STXBP5L: variants seen among roughly 807,000 people sequenced by gnomAD.
STXBP5L encodes syntaxin-binding protein 5-like.
Under a neutral mutation model 144.5 loss-of-function variants are expected in STXBP5L, and 65 were observed. That is an observed-to-expected ratio of 0.45 (90% CI 0.37 to 0.55). STXBP5L has a LOEUF of 0.55. STXBP5L is among the 20% of genes least tolerant of loss of function. STXBP5L has a pLI of 0.00. For missense variants in STXBP5L, 1,298 were observed against 1,405.5 expected, an observed-to-expected ratio of 0.92 and a Z score of 1.22; for synonymous variants, 505 against 469.6, an observed-to-expected ratio of 1.08 and a Z score of -0.97.
chr3:121,338,054 C>T (rs980642629), intron 20 of STXBP5L, among the ~76,000 whole-genome samples: 12 of 152,138 alleles, frequency 7.9e-5, no homozygotes, highest in Admixed American at 3.3e-4. Context: ...ACAGGAAAAG[C>T]GGTGCTAAGA....
intron 19 of STXBP5L, among the ~76,000 whole-genome samples, chr3:121,288,208 A>C (rs2051298746): frequency 6.6e-6 from 1 of 152,200 alleles, no homozygotes. Flanking sequence ...CATGGTGTAC[A>C]TGTATGACAT....
intron 10 of STXBP5L, among the ~76,000 whole-genome samples, chr3:121,216,832 C>A (rs1173170532): frequency 6.6e-6 from 1 of 152,170 alleles, no homozygotes; most frequent in Non-Finnish European, 1.5e-5. Flanking sequence ...GGAGTTTTAT[C>A]TATAAGCCCT....
At chr3:121,176,396 T>C (rs1196015191) in intron 9 of STXBP5L, among the ~76,000 whole-genome samples, 1 of 108,604 alleles carries the variant, frequency 9.2e-6, no homozygotes, top group African/African-American at 3.5e-5. Context: ...CAACTGTCAA[T>C]AAAATTAAAG....
At chr3:121,090,202 G>T (rs73189321) in intron 5 of STXBP5L, among the ~76,000 whole-genome samples, 5,403 of 152,134 alleles carry the variant, frequency 0.036, 144 homozygotes, top group Middle Eastern at 0.082. Context: ...TTAGGTGGTT[G>T]TATTTGACAT....
chr3:120,990,670 A>T (rs1386031817), intron 3 of STXBP5L, among the ~76,000 whole-genome samples: 1 of 152,208 alleles, frequency 6.6e-6, no homozygotes, highest in East Asian at 1.9e-4. Flanking sequence ...CTCAGAAATA[A>T]TGCCGGATAT....
chr3:121,126,129 A>G (rs747187531), intron 7 of STXBP5L, among the ~76,000 whole-genome samples: 1 of 152,154 alleles, frequency 6.6e-6, no homozygotes, highest in Non-Finnish European at 1.5e-5. Context: ...CCCTGCCTCA[A>G]GCTTTTTTTG....
chr3:121,041,187 T>C (rs1055703466), intron 3 of STXBP5L, among the ~76,000 whole-genome samples: 5 of 152,066 alleles, frequency 3.3e-5, no homozygotes, highest in Admixed American at 6.6e-5. Context: ...TACCTTATCA[T>C]GTTTTTCTGT....
At chr3:121,398,046 G>A (rs2046776299) in intron 22 of STXBP5L, among the ~76,000 whole-genome samples, 1 of 152,102 alleles carries the variant, frequency 6.6e-6, no homozygotes. Flanking sequence ...TTGTTTATTT[G>A]TGCTTCCAAA....
intron 20 of STXBP5L, among the ~76,000 whole-genome samples, chr3:121,365,339 T>C (rs1297103564): frequency 6.6e-6 from 1 of 151,914 alleles, no homozygotes; most frequent in Non-Finnish European, 1.5e-5. Context: ...ACTGATATTA[T>C]TCTTCTTTAA....
Position 120,955,226 on chromosome 3 carries a change from G to A in STXBP5L, c.287+189G>A, listed in dbSNP as rs148062734. Among the ~76,000 whole-genome samples, 424 of 152,056 alleles carry A rather than the reference G, an allele frequency of 2.8e-3. 5 individuals are homozygous for A. Among genetic ancestry groups the A allele is most frequent in the African/African-American group, 9.8e-3 (407 of 41,516 alleles). ...TAATGTCTTTGAGATCAGTATTGAT[G>A]TCTCTTCTTTAACTCCTGTTATTTG... On this transcript the variant is annotated intron_variant, in intron 3 of 26. Transcript: ENST00000471454.
chr3:121,021,723 T>G (rs1206936801), intron 3 of STXBP5L, among the ~76,000 whole-genome samples: 1 of 152,100 alleles, frequency 6.6e-6, no homozygotes, highest in Admixed American at 6.5e-5. Flanking sequence ...TGAACAATAG[T>G]AGTGACACAA....
chr3:121,069,572 C>T (rs1230568137), intron 5 of STXBP5L, among the ~76,000 whole-genome samples: 2 of 151,892 alleles, frequency 1.3e-5, no homozygotes, highest in African/African-American at 4.8e-5. Flanking sequence ...AAAGCTATTT[C>T]CTGGAGTGGC....
chr3:120,953,517 T>C (rs1937674877), intron 2 of STXBP5L, among the ~76,000 whole-genome samples: 1 of 150,644 alleles, frequency 6.6e-6, no homozygotes, highest in Non-Finnish European at 1.5e-5. Flanking sequence ...TTTTTTTTTT[T>C]TGTAGAGATG....
chr3:121,327,725 C>T (rs972595479), intron 20 of STXBP5L, among the ~76,000 whole-genome samples: 2 of 152,014 alleles, frequency 1.3e-5, no homozygotes, highest in Non-Finnish European at 2.9e-5. Context: ...GATTTTCTTT[C>T]TTTTGTTTTT....
At chr3:121,170,416 T>C (rs13319262) in intron 9 of STXBP5L, among the ~76,000 whole-genome samples, 32,433 of 151,994 alleles carry the variant, frequency 0.21, 3,688 homozygotes, top group Non-Finnish European at 0.26. Context: ...GAGCTGGTTT[T>C]TGAAAACATC....
At chr3:121,120,501 C>G (rs1156410678) in intron 6 of STXBP5L, among the ~76,000 whole-genome samples, 1 of 151,040 alleles carries the variant, frequency 6.6e-6, no homozygotes, top group African/African-American at 2.4e-5. Flanking sequence ...TATGTTTTGC[C>G]ATAGTATTAG....
chr3:121,252,523 TA>T (rs1159800075), intron 15 of STXBP5L, among the ~76,000 whole-genome samples: 2 of 152,170 alleles, frequency 1.3e-5, no homozygotes, highest in African/African-American at 4.8e-5. Context: ...ATTTAGAATA[TA>T]AATTGCAAAT....
intron 2 of STXBP5L, among the ~76,000 whole-genome samples, chr3:120,931,049 A>G (rs770467133): frequency 3.3e-5 from 5 of 151,686 alleles, no homozygotes; most frequent in Non-Finnish European, 5.9e-5. Context: ...TTGTGTGCCT[A>G]TCAGCCAAAG....
intron 3 of STXBP5L, among the ~76,000 whole-genome samples, chr3:121,023,848 C>T (rs1390032328): frequency 1.3e-5 from 2 of 152,072 alleles, no homozygotes; most frequent in African/African-American, 2.4e-5. Flanking sequence ...CTCTGCCTCC[C>T]GGGTTCACGC....
Sources: allele counts gnomAD v4.1 joint callset (sites outside exome capture counted in the v4.1 genomes callset), GRCh38; gene constraint gnomAD v4.1.1; transcripts MANE v1.5; gene names NCBI Gene and HGNC (gene_info 2026-07-23, HGNC 2026-07-21).